NEDD9: variants seen among roughly 807,000 people sequenced by gnomAD.
NEDD9 encodes neural precursor cell expressed, developmentally down-regulated 9, also known as enhancer of filamentation 1.
A neutral mutation model predicts 76.6 loss-of-function variants in NEDD9; 26 were observed. The observed-to-expected ratio is 0.34, with a 90% confidence interval of 0.25 to 0.47. NEDD9 has a LOEUF of 0.47. NEDD9 is among the 20% of genes least tolerant of loss of function. The pLI is 1.00. For missense variants in NEDD9, 937 were observed against 1,058.5 expected (o/e 0.89, Z 1.59); for synonymous variants, 392 against 414.2 (o/e 0.95, Z 0.65).
intron 1 of NEDD9, among the ~76,000 whole-genome samples, chr6:11,337,141 C>T (rs1582037474): frequency 1.3e-5 from 2 of 152,234 alleles, no homozygotes; most frequent in South Asian, 4.2e-4. Context: ...TCTCTTGAAC[C>T]CAGGAGGCGG....
At chr6:11,296,196 T>G (rs1287134581) in intron 3 of NEDD9, among the ~76,000 whole-genome samples, 1 of 152,078 alleles carries the variant, frequency 6.6e-6, no homozygotes, top group East Asian at 1.9e-4. Flanking sequence ...ACTTCCAGCC[T>G]CCAGAACTGT....
chr6:11,240,256 G>A (rs1759687057), intron 3 of NEDD9, among the ~76,000 whole-genome samples: 1 of 152,072 alleles, frequency 6.6e-6, no homozygotes, highest in Admixed American at 6.6e-5. Context: ...AGGTTACAGC[G>A]ACGCGGTGGG....
In NEDD9 at chr6:11,301,516, C is replaced by A. The variant is rs1283856701; in HGVS notation, c.12+4476G>T. On this transcript the variant is annotated intron_variant, in intron 3 of 3. Transcript: ENST00000397378. The stretch of plus-strand genomic sequence containing the variant: ...TGAACTCAGCTCTGCACCAAGTAGA[C>A]CTAATAGACATCTACAGAACTCTCC... 3.9e-5 allele frequency among the ~76,000 whole-genome samples: 6 copies of A among 152,196 alleles called. No homozygotes were observed. In the East Asian group the frequency reaches 1.2e-3, roughly 29 times the overall value.
At chr6:11,310,165 G>T (rs1260719476) in intron 2 of NEDD9, among the ~76,000 whole-genome samples, 1 of 152,164 alleles carries the variant, frequency 6.6e-6, no homozygotes, top group Non-Finnish European at 1.5e-5. Context: ...GACCATCTGG[G>T]GAGCCTGTCA....
chr6:11,294,445 T>C (rs1760846126), intron 3 of NEDD9, among the ~76,000 whole-genome samples: 2 of 152,024 alleles, frequency 1.3e-5, no homozygotes, highest in African/African-American at 4.8e-5. Context: ...TTTGAGAGTG[T>C]GTAGCACTTC....
At chr6:11,232,236 G>C (rs1035431318) in intron 1 of NEDD9, among the ~76,000 whole-genome samples, 2 of 152,200 alleles carry the variant, frequency 1.3e-5, no homozygotes, top group African/African-American at 2.4e-5. Flanking sequence ...CTGTGAAGCG[G>C]CTCCAAGTCT....
At chr6:11,299,213 C>T (rs1178744645) in intron 3 of NEDD9, among the ~76,000 whole-genome samples, 1 of 152,192 alleles carries the variant, frequency 6.6e-6, no homozygotes, top group African/African-American at 2.4e-5. Flanking sequence ...GTGGGTCCCA[C>T]GCCCACAGAG....
In NEDD9 at chr6:11,329,197, A is replaced by G. The variant is rs1214866721; in HGVS notation, c.-153+5304T>C. Among the ~76,000 whole-genome samples, 5 of 152,354 alleles carry G rather than the reference A, an allele frequency of 3.3e-5. No homozygotes were observed. In the East Asian group the frequency reaches 7.7e-4, roughly 24 times the overall value. The stretch of plus-strand genomic sequence containing the variant: ...GTCAAACACCCGTGCAAGGGCAAAC[A>G]TCTTTATGACTTTGGTCCTGGGAAG... On this transcript the variant is annotated intron_variant, in intron 2 of 3. Transcript: ENST00000397378.
intron 3 of NEDD9, chr6:11,251,670 C>G (rs142661726): frequency 5.3e-5 from 8 of 152,336 alleles, no homozygotes; most frequent in Admixed American, 4.6e-4. Context: ...TAGTGACCCA[C>G]GAAAGCTTCT....
intron 3 of NEDD9, among the ~76,000 whole-genome samples, chr6:11,265,037 AC>A (rs1419067900): frequency 6.6e-6 from 1 of 152,230 alleles, no homozygotes; most frequent in Non-Finnish European, 1.5e-5. Context: ...AATTATAGGG[AC>A]CTTTTAAGAA....
chr6:11,191,438 T>C (rs1758142701), intron 4 of NEDD9, among the ~76,000 whole-genome samples: 1 of 152,044 alleles, frequency 6.6e-6, no homozygotes, highest in African/African-American at 2.4e-5. Flanking sequence ...CCTGGCTAAA[T>C]TGCTCACCCT....
intron 3 of NEDD9, among the ~76,000 whole-genome samples, chr6:11,245,841 A>G (rs1581981066): frequency 6.6e-6 from 1 of 152,342 alleles, no homozygotes; most frequent in Middle Eastern, 3.4e-3. Flanking sequence ...CCTTAAAAAA[A>G]GCCCTCTTTA....
chr6:11,239,133 C>T (rs1759661801), intron 3 of NEDD9, among the ~76,000 whole-genome samples: 1 of 152,122 alleles, frequency 6.6e-6, no homozygotes, highest in Non-Finnish European at 1.5e-5. Flanking sequence ...TGCCACTGCA[C>T]TGCAGCCTGG....
At position 11,370,425 on chromosome 6, in the gene NEDD9, C is replaced by T. The variant is rs1218179632; in HGVS notation, c.-214+11714G>A. ...GAAAAGTCTGCCTTTGCCTACAGCACGCACACACGGCTGGAGGACGGCTCC... is the reference window on the plus strand; with the variant it reads ...GAAAAGTCTGCCTTTGCCTACAGCATGCACACACGGCTGGAGGACGGCTCC... On this transcript the variant is annotated intron_variant, in intron 1 of 3. Coordinates refer to the NEDD9 transcript ENST00000397378. The surrounding 1 kb of genome is among the most constrained non-coding windows in gnomAD (Gnocchi z 4.2). 2.0e-5 allele frequency among the ~76,000 whole-genome samples: 3 copies of T among 152,198 alleles called. No individual in the cohort carries two copies.
intron 2 of NEDD9, among the ~76,000 whole-genome samples, chr6:11,322,286 A>G (rs924325788): frequency 6.6e-6 from 1 of 152,176 alleles, no homozygotes; most frequent in Non-Finnish European, 1.5e-5. Context: ...TGGCACACGT[A>G]TACCTGTGTA....
intron 2 of NEDD9, among the ~76,000 whole-genome samples, chr6:11,195,714 G>C (rs1758275804): frequency 6.6e-6 from 1 of 152,272 alleles, no homozygotes; most frequent in Non-Finnish European, 1.5e-5. Flanking sequence ...AAGCGGGCAT[G>C]TCGGGCGCAG....
intron 1 of NEDD9, among the ~76,000 whole-genome samples, chr6:11,349,054 T>A (rs1228277752): frequency 1.3e-5 from 2 of 152,114 alleles, no homozygotes; most frequent in East Asian, 3.9e-4. Context: ...CCAGAACCCA[T>A]AAGAAACTTT....
intron 1 of NEDD9, among the ~76,000 whole-genome samples, chr6:11,336,947 G>A (rs193298830): frequency 1.2e-3 from 188 of 152,232 alleles, no homozygotes; most frequent in Middle Eastern, 3.4e-3. Flanking sequence ...TTGGCTGGGC[G>A]CGGTGGCTCA....
At chr6:11,266,901 G>A (rs1275553375) in intron 3 of NEDD9, among the ~76,000 whole-genome samples, 1 of 152,234 alleles carries the variant, frequency 6.6e-6, no homozygotes. Flanking sequence ...ATCTTGGTGT[G>A]TGTGTAGGGA....
Sources: allele counts gnomAD v4.1 joint callset (sites outside exome capture counted in the v4.1 genomes callset), GRCh38; gene constraint gnomAD v4.1.1; non-coding constraint Gnocchi (gnomAD v3.1); transcripts MANE v1.5; gene names NCBI Gene and HGNC (gene_info 2026-07-23, HGNC 2026-07-21).